Variants in LMF1 observed in about 807,000 individuals in gnomAD.
The protein encoded by LMF1 is lipase maturation factor 1, also known as transmembrane protein 112.
Under a neutral mutation model 60.6 loss-of-function variants are expected in LMF1, and 68 were observed. The observed-to-expected ratio is 1.12, with a 90% CI of 0.92 to 1.37. The LOEUF (loss-of-function observed/expected upper bound fraction) is 1.37, where lower values mean the gene tolerates loss of function less well. Among genes scored for constraint, LMF1 ranks in the 40% most tolerant of loss-of-function variants. The probability of loss-of-function intolerance (pLI) is 0.00; values close to 1 mark genes in which losing one functional copy is unlikely to be tolerated. For missense variants in LMF1, 948 were observed against 767.2 expected, an observed-to-expected ratio of 1.24 and a Z score of -2.78; for synonymous variants, 418 against 324.7, an observed-to-expected ratio of 1.29 and a Z score of -3.09.
At chr16:909,754 A>G (rs1256882800) in intron 4 of LMF1, among the ~76,000 whole-genome samples, 2 of 152,206 alleles carry the variant, frequency 1.3e-5, no homozygotes, top group African/African-American at 4.8e-5. Flanking sequence ...GGAGCCGCCC[A>G]GCACTCGGGC....
chr16:894,918 C>T (rs1009159381), intron 4 of LMF1, among the ~76,000 whole-genome samples: 2 of 152,182 alleles, frequency 1.3e-5, no homozygotes, highest in East Asian at 1.9e-4. Flanking sequence ...AGGCCAGCCT[C>T]GGCCCGGACA....
Position 874,517 on chromosome 16 carries a change from G to A in LMF1, c.898-3176C>T, listed in dbSNP as rs376451314. Among the ~76,000 whole-genome samples the A allele has an allele frequency of 1.3e-5, 2 of 152,226 alleles. No individual in the cohort carries two copies. The highest frequency in any genetic ancestry group is 2.4e-5 in the African/African-American group (1 of 41,470). ...GCTCCCGTGGGGTGCTGGCTGGGCG[G>A]CCGGGCTCTGCGGTCACTGCTCTTG... On this transcript the variant is annotated intron_variant, in intron 6 of 10. Coordinates refer to ENST00000262301, the MANE Select transcript of LMF1 (RefSeq NM_022773.4). This position sits in a 1 kb window ranked among gnomAD's most constrained non-coding sequence, Gnocchi z 4.1.
At chr16:911,323 C>T (rs2071106685) in intron 3 of LMF1, among the ~76,000 whole-genome samples, 1 of 152,118 alleles carries the variant, frequency 6.6e-6, no homozygotes, top group Non-Finnish European at 1.5e-5. Flanking sequence ...GCACCCTTCG[C>T]CCTGGAGGGA....
chr16:865,273 G>A (rs1048473878), intron 10 of LMF1, among the ~76,000 whole-genome samples: 2 of 152,210 alleles, frequency 1.3e-5, no homozygotes, highest in African/African-American at 4.8e-5. Flanking sequence ...AACTACTTCA[G>A]ACAGTTTTAT....
intron 4 of LMF1, 132 bp from the exon 5 acceptor site, chr16:893,204 G>A: frequency 1.3e-6 from 1 of 773,768 alleles, no homozygotes. Context: ...CTGTGAGGGA[G>A]GGGACCTTAC....
Position 869,503 on chromosome 16 carries a change from G to A in LMF1, c.1416+380C>T, listed in dbSNP as rs1006906151. The A allele has an allele frequency of 1.8e-5, 10 of 551,078 alleles. No homozygotes were observed. Among genetic ancestry groups the A allele is most frequent in the Non-Finnish European group, 3.5e-5 (10 of 288,778 alleles). The allele number at this position is 551,078 out of a possible 1,614,324, so 34.1% of individuals were successfully genotyped here. On this transcript the variant is annotated intron_variant, in intron 9 of 10. Coordinates refer to ENST00000262301, the MANE Select transcript of LMF1 (RefSeq NM_022773.4). ...CTGGAAGGCAACGCTGCCATCATTT[G>A]AGGCTGCAGCGGTTGGGCTCAATCG...
Position 929,123 on chromosome 16 carries a change from C to T in LMF1, c.514+5121G>A, listed in dbSNP as rs75671701. 7.8e-4 allele frequency among the ~76,000 whole-genome samples: 119 copies of T among 152,312 alleles called. 1 individual carries two copies. The East Asian group carries it at 0.017, about 21-fold the overall frequency. ...GGCCAGTGGGGTCACAATGCTGTCC[C>T]ATCCCGCGCCTGAAAAGCCCAGCCA... On this transcript the variant is annotated intron_variant, in intron 3 of 10. Coordinates refer to ENST00000262301, the MANE Select transcript of LMF1 (RefSeq NM_022773.4).
chr16:974,287 C>G (rs1333590433), upstream of LMF1, among the ~76,000 whole-genome samples: 2 of 152,170 alleles, frequency 1.3e-5, no homozygotes, highest in Non-Finnish European at 2.9e-5. Context: ...CAGGTGTGGT[C>G]CTTTCACCCT....
intron 2 of LMF1, among the ~76,000 whole-genome samples, chr16:944,933 G>T: frequency 6.6e-6 from 1 of 152,124 alleles, no homozygotes; most frequent in East Asian, 1.9e-4. Flanking sequence ...AAAATAGGGG[G>T]CTGGGCACCG....
At chr16:951,828 C>G (rs888471092) in intron 2 of LMF1, among the ~76,000 whole-genome samples, 1 of 152,210 alleles carries the variant, frequency 6.6e-6, no homozygotes, top group African/African-American at 2.4e-5. Flanking sequence ...GCCACTTCAC[C>G]GTCCAGACAC....
intron 6 of LMF1, chr16:872,678 C>T (rs1462607690): frequency 1.3e-5 from 2 of 152,458 alleles, no homozygotes; most frequent in African/African-American, 4.8e-5. Flanking sequence ...GGGTGCAGGG[C>T]TAGGCACTGA....
intron 3 of LMF1, among the ~76,000 whole-genome samples, chr16:927,855 G>A (rs1166064109): frequency 2.0e-5 from 3 of 152,240 alleles, no homozygotes; most frequent in African/African-American, 7.2e-5. Context: ...CTGGCGGGAG[G>A]TGCTGCCGCA....
chr16:966,357 C>T (rs993710449), intron 1 of LMF1, among the ~76,000 whole-genome samples: 3 of 152,204 alleles, frequency 2.0e-5, no homozygotes, highest in African/African-American at 7.2e-5. Context: ...CGGCCCTGGC[C>T]GGGGCGGTTC....
At chr16:926,236 A>G (rs538936162) in intron 3 of LMF1, among the ~76,000 whole-genome samples, 8 of 148,152 alleles carry the variant, frequency 5.4e-5, no homozygotes, top group Non-Finnish European at 1.2e-4. Flanking sequence ...TTTGCATATG[A>G]TCTGCATACG....
intron 3 of LMF1, chr16:933,921 C>G (rs2071864365): frequency 3.8e-6 from 5 of 1,331,418 alleles, no homozygotes; most frequent in Non-Finnish European, 4.9e-6. Context: ...GGCACACAGC[C>G]TTGAGCGTCC....
Position 870,055 on chromosome 16 carries a change from T to C in LMF1, c.1244A>G (p.Glu415Gly). 6.2e-7 allele frequency: 1 copy of C among 1,609,134 alleles called. No homozygotes were observed. Among genetic ancestry groups the C allele is most frequent in the Non-Finnish European group, 8.5e-7 (1 of 1,179,470 alleles). ...TYGAFGSITK[E>G]RAEVILQGTA... ...GCCCTGCAGGATCACCTCCGCCCGC[T>C]CCTTGGTGATGCTGCCGGGAGACCG... The change falls in exon 9 of 11, where the codon GAG becomes GGG. Residue 415 changes from glutamate to glycine, a missense_variant. Transcript: ENST00000262301.
intron 1 of LMF1, chr16:976,699 C>G (rs986036504): frequency 2.2e-6 from 1 of 454,014 alleles, no homozygotes; most frequent in African/African-American, 2.0e-5. Context: ...GCTTGGGGAC[C>G]CGCTCCCAGC....
In LMF1 at chr16:954,670, G is replaced by C; in HGVS notation, c.194-4C>G. The C allele has an allele frequency of 6.3e-7, 1 of 1,577,870 alleles. No individual in the cohort carries two copies. Among genetic ancestry groups the C allele is most frequent in the Non-Finnish European group, 8.6e-7 (1 of 1,161,942 alleles). ...AAAGCCACCAGGAATGCCACGACTG[G>C]AAGAAAAAGAAGACAAAACAAGCAT... On this transcript the variant is annotated splice_polypyrimidine_tract_variant and splice_region_variant and intron_variant, in intron 1 of 10. Transcript: ENST00000262301.
upstream of LMF1, among the ~76,000 whole-genome samples, chr16:975,404 C>T (rs951721087): frequency 2.0e-5 from 3 of 152,196 alleles, no homozygotes; most frequent in East Asian, 3.8e-4. Flanking sequence ...CAAACCAGAG[C>T]CCTGCGGGCT....
Sources: allele counts gnomAD v4.1 joint callset (sites outside exome capture counted in the v4.1 genomes callset), GRCh38; gene constraint gnomAD v4.1.1; non-coding constraint Gnocchi (gnomAD v3.1); transcripts MANE v1.5; gene names NCBI Gene and HGNC (gene_info 2026-07-23, HGNC 2026-07-21).